Variants in PPP2R5C observed in about 807,000 individuals in gnomAD.
The protein encoded by PPP2R5C is protein phosphatase 2 regulatory subunit B'gamma, also known as serine/threonine-protein phosphatase 2A 56 kDa regulatory subunit gamma isoform.
A neutral mutation model predicts 68.9 loss-of-function variants in PPP2R5C; 7 were observed. The ratio of observed to expected loss-of-function variants is 0.10; its 90% CI spans 0.06 to 0.19. PPP2R5C has a LOEUF of 0.19. Ranked by LOEUF, PPP2R5C falls within the 10% of genes least tolerant of loss-of-function variation. PPP2R5C has a pLI of 1.00. For missense variants in PPP2R5C, 348 were observed against 641.3 expected, an observed-to-expected ratio of 0.54 and a Z score of 4.94; for synonymous variants, 210 against 222.2, an observed-to-expected ratio of 0.95 and a Z score of 0.49.
At chr14:101,872,219 C>CTT (rs386382344) in intron 2 of PPP2R5C, among the ~76,000 whole-genome samples, 7,090 of 91,022 alleles carry the variant, frequency 0.078, 404 homozygotes, top group African/African-American at 0.1. Flanking sequence ...TTTCTTTTGC[C>CTT]TTTTTTTTTT....
At chr14:101,780,656 A>G (rs1016389336) in intron 2 of PPP2R5C, among the ~76,000 whole-genome samples, 2 of 151,954 alleles carry the variant, frequency 1.3e-5, no homozygotes, top group Admixed American at 1.3e-4. Flanking sequence ...TCTCTCTTGT[A>G]TTTTCCTAAG....
intron 2 of PPP2R5C, among the ~76,000 whole-genome samples, chr14:101,881,061 A>G (rs1279618839): frequency 6.6e-6 from 1 of 152,140 alleles, no homozygotes; most frequent in Non-Finnish European, 1.5e-5. Context: ...ATCCGTTCAG[A>G]GATTCAATAA....
intron 1 of PPP2R5C, among the ~76,000 whole-genome samples, chr14:101,851,099 A>G (rs1005464877): frequency 2.6e-5 from 4 of 152,148 alleles, no homozygotes; most frequent in Non-Finnish European, 2.9e-5. Context: ...CGCGACTTGC[A>G]TAGACCTCCC....
intron 1 of PPP2R5C, among the ~76,000 whole-genome samples, chr14:101,823,304 T>C (rs1043098611): frequency 2.6e-5 from 4 of 152,280 alleles, no homozygotes; most frequent in African/African-American, 9.6e-5. Flanking sequence ...GGCCGAGCAG[T>C]TCAGAGCAGT....
chr14:101,763,104 A>G lies in PPP2R5C; in HGVS notation c.93+134A>G, dbSNP rs988996951. The G allele has an allele frequency of 5.2e-5, 35 of 677,952 alleles. No individual in the cohort carries two copies. In the East Asian group the frequency reaches 5.3e-4, roughly 10 times the overall value. The allele number at this position is 677,952 out of a possible 1,614,324, so 42.0% of individuals were successfully genotyped here. ...AGGTTTTTTTTTTGTGGTGTCTTTTATAACCCTCAATTTTAGTTGTTTAGG... is the reference window on the plus strand; with the variant it reads ...AGGTTTTTTTTTTGTGGTGTCTTTTGTAACCCTCAATTTTAGTTGTTTAGG... On this transcript the variant is annotated intron_variant, in intron 2 of 14. Transcript: ENST00000328724.
At chr14:101,768,299 C>T (rs2036962795) in intron 2 of PPP2R5C, among the ~76,000 whole-genome samples, 1 of 152,174 alleles carries the variant, frequency 6.6e-6, no homozygotes, top group Non-Finnish European at 1.5e-5. Context: ...CATTATATTT[C>T]CTTTAGAACA....
At chr14:101,769,139 G>C (rs1473063372) in intron 2 of PPP2R5C, among the ~76,000 whole-genome samples, 1 of 152,148 alleles carries the variant, frequency 6.6e-6, no homozygotes, top group African/African-American at 2.4e-5. Flanking sequence ...CATCTTTTTA[G>C]CTCCAACTCA....
In PPP2R5C at chr14:101,882,324, G is replaced by T. The variant is rs542183097; in HGVS notation, c.405+53G>T. The T allele has an allele frequency of 1.4e-4, 199 of 1,428,634 alleles. No homozygotes were observed. In the Admixed American group the frequency reaches 2.1e-3, roughly 15 times the overall value. 88.5% of individuals were successfully genotyped at this position (1,428,634 alleles called of 1,614,324 possible). A position where few individuals can be genotyped will look rare whatever the true frequency, so the allele number is the denominator to read the frequency against. On this transcript the variant is annotated intron_variant, in intron 3 of 13. Coordinates refer to ENST00000334743, the Ensembl canonical transcript of PPP2R5C. The surrounding 1 kb of genome is among the most constrained non-coding windows in gnomAD (Gnocchi z 4.9). ...AGGGCACTGGTGACACATGGGAATG[G>T]CCTGGGATCCACAGAGCGGGCGCAC...
At chr14:101,809,392 TAAAA>T (rs549966280), upstream of PPP2R5C, among the ~76,000 whole-genome samples, 1 of 116,574 alleles carries the variant, frequency 8.6e-6, no homozygotes, top group African/African-American at 3.1e-5. Context: ...AACCATTTGT[TAAAA>T]AAAAAAAACA....
chr14:101,766,953 T>C (rs1364643312), intron 2 of PPP2R5C: 2 of 152,268 alleles, frequency 1.3e-5, no homozygotes, highest in East Asian at 1.9e-4. Flanking sequence ...GTGTGTGTAC[T>C]GTGTCCAATG....
intron 8 of PPP2R5C, among the ~76,000 whole-genome samples, chr14:101,898,405 G>A (rs915139403): frequency 1.3e-5 from 2 of 152,058 alleles, no homozygotes; most frequent in Admixed American, 1.3e-4. Flanking sequence ...CTTCTCCACC[G>A]AGGGCTCGGT....
At position 101,773,410 on chromosome 14, in the gene PPP2R5C, C is replaced by G. The variant is rs547175403; in HGVS notation, c.93+10440C>G. 3.9e-5 allele frequency among the ~76,000 whole-genome samples: 6 copies of G among 152,152 alleles called. No individual in the cohort carries two copies. In the East Asian group the frequency reaches 9.7e-4, roughly 25 times the overall value. On this transcript the variant is annotated intron_variant, in intron 2 of 14. Coordinates refer to the PPP2R5C transcript ENST00000328724. ...GGTGGTCAAGGATGGTCTCACCAAG[C>G]AGATGACATGAAAAGTGAAATGTGA... is the stretch of plus-strand genomic sequence containing the variant.
intron 1 of PPP2R5C, among the ~76,000 whole-genome samples, chr14:101,821,529 A>G (rs2040073024): frequency 6.6e-6 from 1 of 151,476 alleles, no homozygotes; most frequent in Non-Finnish European, 1.5e-5. Flanking sequence ...TTCACAGAGT[A>G]TATAGCATTT....
chr14:101,803,092 C>G (rs2038937350), intron 3 of PPP2R5C: 1 of 152,006 alleles, frequency 6.6e-6, no homozygotes, highest in Admixed American at 6.6e-5. Flanking sequence ...GCCTGTGGTC[C>G]CAGCTACTCG....
At chr14:101,914,886 T>C (rs536535559) in intron 12 of PPP2R5C, among the ~76,000 whole-genome samples, 2 of 152,292 alleles carry the variant, frequency 1.3e-5, no homozygotes, top group Middle Eastern at 3.4e-3. Context: ...GTGGGAATCA[T>C]ATGAAATGAA....
At chr14:101,924,940 C>T (rs79265705) in intron 13 of PPP2R5C, among the ~76,000 whole-genome samples, 2,650 of 152,252 alleles carry the variant, frequency 0.017, 46 homozygotes, top group African/African-American at 0.039. Context: ...GGTCCTCAAA[C>T]GAGTCACGAT....
At chr14:101,858,493 G>A (rs1284439346) in intron 2 of PPP2R5C, among the ~76,000 whole-genome samples, 3 of 150,928 alleles carry the variant, frequency 2.0e-5, no homozygotes, top group Non-Finnish European at 4.4e-5. Flanking sequence ...CAGTTTTTTT[G>A]TTTGTTTGTT....
intron 1 of PPP2R5C, among the ~76,000 whole-genome samples, chr14:101,854,173 A>G (rs1231098897): frequency 6.6e-6 from 1 of 152,198 alleles, no homozygotes; most frequent in East Asian, 1.9e-4. Flanking sequence ...ATTTAGGAAT[A>G]AAATTTTTGT....
At chr14:101,874,832 C>G (rs1000919957) in intron 2 of PPP2R5C, among the ~76,000 whole-genome samples, 4 of 152,092 alleles carry the variant, frequency 2.6e-5, no homozygotes, top group Non-Finnish European at 4.4e-5. Flanking sequence ...CTCCACCTCC[C>G]AAGTTCAAGC....
Sources: gnomAD v4.1 joint callset for allele counts (sites outside exome capture counted in the v4.1 genomes callset) on GRCh38, gnomAD v4.1.1 for gene constraint, Gnocchi (gnomAD v3.1) non-coding constraint, MANE v1.5 for transcripts, NCBI Gene and HGNC (gene_info 2026-07-23, HGNC 2026-07-21) for gene names.